SPART: variants seen among roughly 807,000 people sequenced by gnomAD.
The protein encoded by SPART is spastic paraplegia 20 (Troyer syndrome).
A neutral mutation model predicts 58.7 loss-of-function variants in SPART; 35 were observed. The observed-to-expected ratio is 0.60, with a 90% CI of 0.46 to 0.79. The LOEUF (loss-of-function observed/expected upper bound fraction) is 0.79. Ranked by LOEUF, SPART falls within the 30% of genes least tolerant of loss-of-function variation. The probability of loss-of-function intolerance (pLI) is 0.00; values close to 1 mark genes in which losing one functional copy is unlikely to be tolerated. For missense variants in SPART, 730 were observed against 786.1 expected (o/e 0.93, Z 0.85); for synonymous variants, 284 against 280.7 (o/e 1.01, Z -0.12).
intron 1 of SPART, among the ~76,000 whole-genome samples, chr13:36,359,940 A>AAAAAAAC (rs1258736221): frequency 3.3e-5 from 5 of 150,974 alleles, no homozygotes; most frequent in African/African-American, 1.2e-4. Context: ...AAAAAAAAAA[A>AAAAAAAC]AACACCTCTT....
intron 5 of SPART, among the ~76,000 whole-genome samples, chr13:36,325,135 T>A (rs1260256850): frequency 6.6e-6 from 1 of 152,180 alleles, no homozygotes; most frequent in African/African-American, 2.4e-5. Context: ...CTGACAAGTA[T>A]AAATTCCAAA....
chr13:36,357,569 A>C (rs1315603460), intron 1 of SPART, among the ~76,000 whole-genome samples: 1 of 152,244 alleles, frequency 6.6e-6, no homozygotes, highest in Non-Finnish European at 1.5e-5. Context: ...TTTTTATAAA[A>C]GGAACCTATA....
chr13:36,337,422 G>A (rs1249871307), intron 1 of SPART, among the ~76,000 whole-genome samples: 1 of 152,124 alleles, frequency 6.6e-6, no homozygotes. Flanking sequence ...GGACCCCGTG[G>A]GAGATGACTG....
At position 36,363,760 on chromosome 13, in the gene SPART, G is replaced by GTTT. The variant is rs138489307; in HGVS notation, c.-3+6326_-3+6328dup. 7.4e-3 allele frequency among the ~76,000 whole-genome samples: 1,104 copies of GTTT among 150,030 alleles called. 18 individuals are homozygous for GTTT. The highest frequency in any genetic ancestry group is 0.026 in the African/African-American group (1,054 of 40,916). On this transcript the variant is annotated intron_variant, in intron 1 of 8. Coordinates refer to the SPART transcript ENST00000355182. ...GCAGTGATAGTGTTGCAGCCTGTTG[G>GTTT]TTTTTTTTGTTGTTGTTGTTTTTTG...
At chr13:36,317,606 C>T (rs141572364) in intron 5 of SPART, among the ~76,000 whole-genome samples, 46 of 151,298 alleles carry the variant, frequency 3.0e-4, no homozygotes, top group African/African-American at 8.0e-4. Context: ...CTTATCTCTG[C>T]GCCCCAACCC....
rs1194033081 is a variant in SPART, at chr13:36,303,574, A to G, written c.*791T>C. The G allele has an allele frequency of 6.6e-6, 1 of 152,150 alleles. No individual in the cohort carries two copies. The highest frequency in any genetic ancestry group is 2.4e-5 in the African/African-American group (1 of 41,454). 9.4% of individuals were successfully genotyped at this position (152,150 alleles called of 1,614,324 possible). A position where few individuals can be genotyped will look rare whatever the true frequency, so the allele number is the denominator to read the frequency against. On this transcript the variant is annotated 3_prime_UTR_variant, in exon 9 of 9. Transcript: ENST00000438666. ...TTTTTTACAAGTTTTAACCTTTTGG[A>G]AAAACAGAAGCAGATATGATAAAAT...
chr13:36,364,322 C>A (rs972044007), intron 1 of SPART, among the ~76,000 whole-genome samples: 3 of 152,276 alleles, frequency 2.0e-5, no homozygotes. Context: ...AAAATTGAAC[C>A]TGTATTCCTT....
intron 1 of SPART, among the ~76,000 whole-genome samples, chr13:36,355,372 A>G (rs925453954): frequency 2.0e-5 from 3 of 152,192 alleles, no homozygotes; most frequent in Non-Finnish European, 2.9e-5. Flanking sequence ...AGCTAACTCT[A>G]TACAATTCTG....
intron 5 of SPART, among the ~76,000 whole-genome samples, chr13:36,320,899 G>T (rs1882307679): frequency 6.6e-6 from 1 of 152,138 alleles, no homozygotes; most frequent in Non-Finnish European, 1.5e-5. Flanking sequence ...CAGGCTCTTA[G>T]TATTCAGTGA....
intron 5 of SPART, among the ~76,000 whole-genome samples, chr13:36,317,925 A>C (rs1193342815): frequency 6.6e-6 from 1 of 152,180 alleles, no homozygotes; most frequent in East Asian, 1.9e-4. Context: ...TAAAATAGGC[A>C]AATGGTCTGA....
intron 8 of SPART, among the ~76,000 whole-genome samples, chr13:36,307,828 C>T (rs916612090): frequency 1.3e-5 from 2 of 151,990 alleles, no homozygotes; most frequent in African/African-American, 2.4e-5. Context: ...ATTTTTTATG[C>T]ATTTAGCTAA....
rs775862718 is a variant in SPART at position 36,312,351 on chromosome 13, C to T, written c.1610G>A (p.Gly537Asp). The T allele has an allele frequency of 5.6e-6, 9 of 1,614,074 alleles. No individual in the cohort carries two copies. The Admixed American group carries it at 1.5e-4, about 27-fold the overall frequency. ...KDKDGKSPLD[G>D]AMVVAASSVQ... ...ACTACTTGCTGCTACAACCATAGCACCATCCAGAGGAGATTTCCCATCTTT... is the reference window on the plus strand; with the variant it reads ...ACTACTTGCTGCTACAACCATAGCATCATCCAGAGGAGATTTCCCATCTTT... Residue 537 changes from glycine (G) to aspartate (D), a missense_variant, in exon 7 of 9, where the codon GGT becomes GAT. By Grantham distance (94) the Gly-to-Asp change is moderately conservative. Coordinates refer to ENST00000438666, the MANE Select transcript of SPART (RefSeq NM_015087.5).
At chr13:36,329,064 G>A (rs552341309) in intron 4 of SPART, among the ~76,000 whole-genome samples, 182 of 152,248 alleles carry the variant, frequency 1.2e-3, no homozygotes, top group Middle Eastern at 3.4e-3. Context: ...TTGCACCACT[G>A]CACTCCAGCC....
At chr13:36,314,474 G>A (rs1182637247) in intron 5 of SPART, 53 bp from the exon 6 acceptor site, 3 of 1,520,422 alleles carry the variant, frequency 2.0e-6, no homozygotes, top group Non-Finnish European at 2.7e-6. Context: ...TTATGCTTTT[G>A]AACACTTTAA....
At position 36,302,897 on chromosome 13, in the gene SPART, G is replaced by C. The variant is rs1240001135; in HGVS notation, c.*1468C>G. The C allele has an allele frequency of 6.6e-6, 1 of 152,042 alleles. No homozygotes were observed. Among genetic ancestry groups the C allele is most frequent in the East Asian group, 1.9e-4 (1 of 5,188 alleles). The allele number at this position is 152,042 out of a possible 1,614,324, so 9.4% of individuals were successfully genotyped here. On this transcript the variant is annotated 3_prime_UTR_variant, in exon 9 of 9. Coordinates refer to ENST00000438666, the MANE Select transcript of SPART (RefSeq NM_015087.5). ...CTCCCCATCCCTTCAATGCCTCCCA[G>C]CCTCTGGTAACCATCATTCTACTCT...
intron 8 of SPART, among the ~76,000 whole-genome samples, chr13:36,306,217 G>GT (rs1880495893): frequency 1.3e-5 from 2 of 152,202 alleles, no homozygotes; most frequent in South Asian, 4.1e-4. Flanking sequence ...GACAGTCCCT[G>GT]TTATGCAACC....
chr13:36,314,438 T>G lies in SPART; in HGVS notation c.1289-17A>C, dbSNP rs778056183. 1 of 1,612,344 alleles carries G rather than the reference T, an allele frequency of 6.2e-7. No individual in the cohort carries two copies. Among genetic ancestry groups the G allele is most frequent in the Non-Finnish European group, 8.5e-7 (1 of 1,178,460 alleles). ...AGGAAGCACCTTTTTAAAAGAAAATTTAAAATTGCACAATATTAGGGCTAA... is the reference window on the plus strand; with the variant it reads ...AGGAAGCACCTTTTTAAAAGAAAATGTAAAATTGCACAATATTAGGGCTAA... On this transcript the variant is annotated splice_polypyrimidine_tract_variant and intron_variant, in intron 5 of 8. Coordinates refer to ENST00000438666, the MANE Select transcript of SPART (RefSeq NM_015087.5).
chr13:36,331,515 T>C lies in SPART; in HGVS notation c.892A>G (p.Thr298Ala), dbSNP rs1883456903. Residue 298 changes from threonine (T) to alanine (A), a missense_variant, in exon 3 of 9, where the codon ACA (threonine) becomes GCA (alanine). Physicochemically the swap from Thr to Ala is moderately conservative, Grantham distance 58 (BLOSUM62 0). Coordinates refer to ENST00000438666, the MANE Select transcript of SPART (RefSeq NM_015087.5). ...CTAGAYMFPD[T>A]MLQAAGCFVG... is the part of the protein sequence containing the mutation. ...AAGCATCCTGCTGCTTGTAGCATTG[T>C]ATCAGGAAACATGTAGGCTCCCGCA... 6.2e-7 allele frequency: 1 copy of C among 1,613,996 alleles called. No homozygotes were observed. Among genetic ancestry groups the C allele is most frequent in the Non-Finnish European group, 8.5e-7 (1 of 1,179,966 alleles).
intron 1 of SPART, among the ~76,000 whole-genome samples, chr13:36,355,550 A>G (rs1226022718): frequency 6.6e-6 from 1 of 152,256 alleles, no homozygotes; most frequent in East Asian, 1.9e-4. Flanking sequence ...TGACATGCCA[A>G]CATATCTCCT....
Sources: allele counts gnomAD v4.1 joint callset (sites outside exome capture counted in the v4.1 genomes callset), GRCh38; gene constraint gnomAD v4.1.1; transcripts MANE v1.5; gene names NCBI Gene and HGNC (gene_info 2026-07-23, HGNC 2026-07-21).